PRKCE: variants seen among roughly 807,000 people sequenced by gnomAD.
PRKCE encodes the protein protein kinase C epsilon, also known as protein kinase C epsilon type.
Under a neutral mutation model 85.4 loss-of-function variants are expected in PRKCE, and 16 were observed. The ratio of observed to expected loss-of-function variants is 0.19; its 90% CI spans 0.13 to 0.28. PRKCE has a LOEUF of 0.28. Among genes scored for constraint, PRKCE ranks in the 10% least tolerant of loss-of-function variants. The pLI is 1.00. For synonymous variants in PRKCE, 388 were observed against 371.5 expected (o/e 1.04, Z -0.51); for missense variants, 573 against 975.2 (o/e 0.59, Z 5.49).
chr2:45,698,395 A>G (rs1678330182), intron 1 of PRKCE, among the ~76,000 whole-genome samples: 1 of 152,064 alleles, frequency 6.6e-6, no homozygotes, highest in Non-Finnish European at 1.5e-5. Context: ...AGGGCTATTT[A>G]GAGGGAGTGT....
At chr2:46,047,755 C>T (rs530278055) in intron 10 of PRKCE, among the ~76,000 whole-genome samples, 9 of 152,100 alleles carry the variant, frequency 5.9e-5, no homozygotes, top group Non-Finnish European at 1.2e-4. Context: ...CTACATAACT[C>T]AAAAGTGAAT....
intron 1 of PRKCE, among the ~76,000 whole-genome samples, chr2:45,657,934 G>A (rs978688743): frequency 3.9e-5 from 6 of 152,238 alleles, no homozygotes; most frequent in African/African-American, 1.4e-4. Context: ...AATGGAGCCT[G>A]AGTTAAGCAG....
chr2:46,035,033 G>A (rs1320362344), intron 10 of PRKCE, among the ~76,000 whole-genome samples: 2 of 152,230 alleles, frequency 1.3e-5, no homozygotes, highest in Admixed American at 1.3e-4. Context: ...AAAGCAGCCT[G>A]TGACCACATG....
At chr2:46,104,776 A>T (rs901578588) in intron 11 of PRKCE, among the ~76,000 whole-genome samples, 1 of 152,202 alleles carries the variant, frequency 6.6e-6, no homozygotes, top group African/African-American at 2.4e-5. Flanking sequence ...CAATTGTCCA[A>T]TGAAACCAAT....
At position 45,722,687 on chromosome 2, in the gene PRKCE, G is replaced by A. The variant is rs558114823; in HGVS notation, c.348+70239G>A. On this transcript the variant is annotated intron_variant, in intron 1 of 14. Transcript: ENST00000306156. ...AGTGTACTAAGCAGGTGTGATTCAG[G>A]AGTGGTGACAGATTTGGCCCATTTC... is the stretch of plus-strand genomic sequence containing the variant. 7.4e-4 allele frequency among the ~76,000 whole-genome samples: 113 copies of A among 152,350 alleles called. 1 individual carries two copies. The highest frequency in any genetic ancestry group is 3.4e-3 in the Middle Eastern group (1 of 294).
At chr2:45,897,808 A>G (rs1299679999) in intron 2 of PRKCE, among the ~76,000 whole-genome samples, 1 of 152,216 alleles carries the variant, frequency 6.6e-6, no homozygotes, top group East Asian at 1.9e-4. Context: ...ATATCTTTCC[A>G]TGGTTCTTCC....
intron 14 of PRKCE, among the ~76,000 whole-genome samples, chr2:46,166,021 C>T (rs748780388): frequency 7.2e-5 from 11 of 152,184 alleles, no homozygotes; most frequent in Admixed American, 2.6e-4. Flanking sequence ...CCCTCAGGCC[C>T]GGTGACATAG....
chr2:45,754,880 G>C (rs1235384683), intron 1 of PRKCE, among the ~76,000 whole-genome samples: 3 of 152,188 alleles, frequency 2.0e-5, no homozygotes, highest in Non-Finnish European at 1.5e-5. Flanking sequence ...GCTGGCTAAG[G>C]ATTGAGGTGC....
At chr2:45,775,953 T>G (rs1471685784) in intron 1 of PRKCE, among the ~76,000 whole-genome samples, 1 of 152,192 alleles carries the variant, frequency 6.6e-6, no homozygotes, top group East Asian at 1.9e-4. Context: ...TCCCTCTGCC[T>G]GGATCACTTT....
At chr2:45,779,494 G>A (rs1686014398) in intron 1 of PRKCE, among the ~76,000 whole-genome samples, 1 of 151,998 alleles carries the variant, frequency 6.6e-6, no homozygotes, top group Non-Finnish European at 1.5e-5. Context: ...CGAGAGCTAG[G>A]TTGAGAGCTC....
In PRKCE at chr2:45,652,141, A is replaced by G; in HGVS notation, c.41A>G (p.Glu14Gly). ...GGCCTTCTTAAGATCAAAATCTGCG[A>G]GGCCGTGAGCTTGAAGCCCACAGCC... ...FNGLLKIKICEAVSLKPTAWS... is the reference protein window; with the variant it reads ...FNGLLKIKICGAVSLKPTAWS... Residue 14 changes from glutamate (E) to glycine (G), a missense_variant, in exon 1 of 15, where the codon GAG (glutamate) becomes GGG (glycine). Glu to Gly is a moderately conservative substitution (Grantham distance 98). Transcript: ENST00000306156. The surrounding 1 kb of genome is among the most constrained non-coding windows in gnomAD (Gnocchi z 7.7). 6.2e-7 allele frequency: 1 copy of G among 1,600,466 alleles called. No individual in the cohort carries two copies. The highest frequency in any genetic ancestry group is 8.5e-7 in the Non-Finnish European group (1 of 1,173,630).
intron 10 of PRKCE, among the ~76,000 whole-genome samples, chr2:46,043,656 G>A (rs1449882354): frequency 7.2e-5 from 11 of 152,124 alleles, no homozygotes; most frequent in Admixed American, 2.6e-4. Context: ...AGATGGAGCA[G>A]GGTTTTAGGC....
intron 2 of PRKCE, among the ~76,000 whole-genome samples, chr2:45,964,995 T>G (rs1465659042): frequency 5.3e-5 from 8 of 152,212 alleles, no homozygotes; most frequent in Admixed American, 5.2e-4. Flanking sequence ...ACGGTTCATG[T>G]TAAACTTGAG....
intron 11 of PRKCE, among the ~76,000 whole-genome samples, chr2:46,107,743 T>C (rs779325706): frequency 1.3e-5 from 2 of 152,224 alleles, no homozygotes; most frequent in Non-Finnish European, 2.9e-5. Context: ...TCTTGGATTG[T>C]AGTCATTCTA....
chr2:45,856,025 C>A (rs1269112001), intron 2 of PRKCE, among the ~76,000 whole-genome samples: 2 of 151,950 alleles, frequency 1.3e-5, no homozygotes, highest in African/African-American at 2.4e-5. Flanking sequence ...AAACAAAACC[C>A]TTATAGAAAG....
In PRKCE at chr2:45,977,920, C is replaced by T. The variant is rs143740040; in HGVS notation, c.573-1056C>T. Among the ~76,000 whole-genome samples the T allele has an allele frequency of 3.5e-3, 538 of 152,226 alleles. 3 individuals carry two copies. Among genetic ancestry groups the T allele is most frequent in the African/African-American group, 0.012 (483 of 41,548 alleles). On this transcript the variant is annotated intron_variant, in intron 3 of 14. Transcript: ENST00000306156. ...AACCCTTGGATCCAACTGGGGAGAG[C>T]GAGTGAGGCCAGGATGCAGTATGAA...
chr2:45,864,574 C>T (rs1217556376), intron 2 of PRKCE, among the ~76,000 whole-genome samples: 1 of 152,146 alleles, frequency 6.6e-6, no homozygotes, highest in Non-Finnish European at 1.5e-5. Context: ...TAATGTCTTA[C>T]ACATTTTTAT....
chr2:45,849,522 T>A (rs1692072655), intron 2 of PRKCE, among the ~76,000 whole-genome samples: 1 of 152,174 alleles, frequency 6.6e-6, no homozygotes, highest in East Asian at 1.9e-4. Context: ...ATAAGAAATG[T>A]CACTTGAGAG....
intron 10 of PRKCE, among the ~76,000 whole-genome samples, chr2:46,026,800 A>G (rs1213566684): frequency 1.3e-5 from 2 of 152,222 alleles, no homozygotes; most frequent in Non-Finnish European, 2.9e-5. Flanking sequence ...GTCCCAGAAT[A>G]GACATGTAGC....
Sources: allele counts gnomAD v4.1 joint callset (sites outside exome capture counted in the v4.1 genomes callset), GRCh38; gene constraint gnomAD v4.1.1; non-coding constraint Gnocchi (gnomAD v3.1); transcripts MANE v1.5; gene names NCBI Gene and HGNC (gene_info 2026-07-23, HGNC 2026-07-21).